ATOSA: variants seen among roughly 807,000 people sequenced by gnomAD.
ATOSA encodes the protein atos homolog protein A.
the ATOSA span, among the ~76,000 whole-genome samples, chr15:52,621,829 G>A: frequency 6.6e-6 from 1 of 151,484 alleles, no homozygotes; most frequent in Non-Finnish European, 1.5e-5. Context: ...AGCAGCATGA[G>A]AATACACTAA....
At chr15:52,603,279 G>A in the ATOSA span, among the ~76,000 whole-genome samples, 195 of 152,258 alleles carry the variant, frequency 1.3e-3, 1 homozygote, top group South Asian at 0.013. Context: ...ATAATGAGAT[G>A]TTGTCTCACT....
the ATOSA span, among the ~76,000 whole-genome samples, chr15:52,617,483 C>T: frequency 6.6e-6 from 1 of 151,840 alleles, no homozygotes; most frequent in African/African-American, 2.4e-5. Context: ...ACTAAAACAT[C>T]GGGGAAAATA....
At chr15:52,643,348 G>A in the ATOSA span, among the ~76,000 whole-genome samples, 1 of 152,156 alleles carries the variant, frequency 6.6e-6, no homozygotes, top group African/African-American at 2.4e-5. Flanking sequence ...CTGGAGTACA[G>A]TGGCACAATC....
the ATOSA span, among the ~76,000 whole-genome samples, chr15:52,671,524 G>C: frequency 6.6e-6 from 1 of 152,170 alleles, no homozygotes; most frequent in South Asian, 2.1e-4. Context: ...GTGTGAATAA[G>C]AGACAAGGTT....
chr15:52,678,297 A>C, the ATOSA span: 1 of 588,772 alleles, frequency 1.7e-6, no homozygotes, highest in Non-Finnish European at 3.0e-6. Flanking sequence ...CGGATCGAGC[A>C]CCCCCTTCCC....
At chr15:52,602,027 T>C in the ATOSA span, among the ~76,000 whole-genome samples, 1 of 152,224 alleles carries the variant, frequency 6.6e-6, no homozygotes, top group Non-Finnish European at 1.5e-5. Flanking sequence ...ATTTTCTTAT[T>C]CTATTTAGTC....
the ATOSA span, chr15:52,613,674 T>C: frequency 1.9e-6 from 3 of 1,613,442 alleles, no homozygotes; most frequent in Non-Finnish European, 2.5e-6. Context: ...GATTCTCACC[T>C]GGGCCAGCTT....
the ATOSA span, among the ~76,000 whole-genome samples, chr15:52,608,090 A>T: frequency 2.0e-5 from 3 of 151,850 alleles, no homozygotes. Flanking sequence ...GAGTCTCACT[A>T]TGTTGCCCAG....
chr15:52,651,909 T>G, the ATOSA span: 4 of 1,535,530 alleles, frequency 2.6e-6, no homozygotes, highest in South Asian at 4.8e-5. Context: ...AAAACCATAC[T>G]GGAATCCTTG....
At chr15:52,634,600 TTTTC>T in the ATOSA span, among the ~76,000 whole-genome samples, 2 of 72,952 alleles carry the variant, frequency 2.7e-5, no homozygotes, top group South Asian at 7.7e-4. Context: ...TCCATTTTTC[TTTTC>T]TTTTTTTTTT....
chr15:52,700,213 A>G, the ATOSA span, among the ~76,000 whole-genome samples: 1 of 152,342 alleles, frequency 6.6e-6, no homozygotes, highest in East Asian at 1.9e-4. Context: ...TTTGCTTGTC[A>G]ATAAATTTAG....
the ATOSA span, chr15:52,609,656 T>C: frequency 6.2e-7 from 1 of 1,613,534 alleles, no homozygotes; most frequent in Non-Finnish European, 8.5e-7. Context: ...TCTTTACCTT[T>C]TCCCACGTTC....
chr15:52,672,188 A>AAAAAAAAAAAAAAAAAAC, the ATOSA span, among the ~76,000 whole-genome samples: 3 of 148,972 alleles, frequency 2.0e-5, no homozygotes, highest in Non-Finnish European at 4.5e-5. Context: ...AAAAAAAAAA[A>AAAAAAAAAAAAAAAAAAC]AAAAAAGACA....
the ATOSA span, among the ~76,000 whole-genome samples, chr15:52,709,295 A>G: frequency 6.6e-6 from 1 of 152,120 alleles, no homozygotes; most frequent in African/African-American, 2.4e-5. Context: ...CATGTCACCT[A>G]TCATTGCAAA....
chr15:52,613,556 G>C, the ATOSA span: 1 of 1,227,316 alleles, frequency 8.1e-7, no homozygotes, highest in Non-Finnish European at 1.1e-6. Context: ...TTCCCTTTAT[G>C]ATTATGATCA....
the ATOSA span, among the ~76,000 whole-genome samples, chr15:52,588,098 A>C: frequency 1.3e-5 from 2 of 152,336 alleles, no homozygotes; most frequent in Middle Eastern, 6.8e-3. Flanking sequence ...TTTGGTACTC[A>C]AAGAATGATC....
At chr15:52,704,307 A>G in the ATOSA span, among the ~76,000 whole-genome samples, 10 of 152,244 alleles carry the variant, frequency 6.6e-5, no homozygotes, top group Admixed American at 6.5e-4. Context: ...AGCCATATGT[A>G]GAAAGCTGAA....
At chr15:52,646,322 C>T in the ATOSA span, among the ~76,000 whole-genome samples, 2 of 152,164 alleles carry the variant, frequency 1.3e-5, no homozygotes, top group Non-Finnish European at 2.9e-5. Flanking sequence ...AACTGGGTGA[C>T]ATTCATAGCA....
At chr15:52,592,793 T>C in the ATOSA span, among the ~76,000 whole-genome samples, 1 of 152,222 alleles carries the variant, frequency 6.6e-6, no homozygotes, top group Admixed American at 6.5e-5. Flanking sequence ...TAACTCCTCT[T>C]AGTTATTTCA....
Sources: gnomAD v4.1 joint callset for allele counts (sites outside exome capture counted in the v4.1 genomes callset) on GRCh38, gnomAD v4.1.1 for gene constraint, MANE v1.5 for transcripts, NCBI Gene and HGNC (gene_info 2026-07-23, HGNC 2026-07-21) for gene names.